Variants in HTR2C observed in about 807,000 individuals in gnomAD.
HTR2C encodes the protein 5-hydroxytryptamine (serotonin) receptor 2C, G protein-coupled.
A neutral mutation model predicts 21.0 loss-of-function variants in HTR2C; 5 were observed. That is an observed-to-expected ratio of 0.24 (90% CI 0.12 to 0.50). HTR2C has a LOEUF of 0.50. Ranked by LOEUF, HTR2C falls within the 20% of genes least tolerant of loss-of-function variation. HTR2C has a pLI of 0.98. For missense variants in HTR2C, 271 were observed against 371.2 expected (o/e 0.73, Z 2.22); for synonymous variants, 150 against 145.3 (o/e 1.03, Z -0.23).
chrX:114,800,164 C>T (rs2070332255), intron 4 of HTR2C, among the ~76,000 whole-genome samples: 1 of 110,175 alleles, frequency 9.1e-6, no homozygotes, highest in African/African-American at 3.3e-5. Context: ...GGAACCTAGC[C>T]CTTTGAGTCA....
At chrX:114,722,928 T>G (rs1261489675) in intron 2 of HTR2C, among the ~76,000 whole-genome samples, 4 of 110,662 alleles carry the variant, frequency 3.6e-5, no homozygotes, top group African/African-American at 1.3e-4. Flanking sequence ...AGTATTTTAT[T>G]GAGGATTTTT....
chrX:114,880,211 A>G (rs141221613), intron 5 of HTR2C, among the ~76,000 whole-genome samples: 1,597 of 109,840 alleles, frequency 0.015, 26 homozygotes, highest in Middle Eastern at 0.051. Flanking sequence ...ACCATTCTCC[A>G]TTTTCCCCTC....
chrX:114,721,956 C>T (rs1258134804), intron 2 of HTR2C, among the ~76,000 whole-genome samples: 1 of 106,922 alleles, frequency 9.4e-6, no homozygotes, highest in Admixed American at 1.0e-4. Flanking sequence ...TAGTGTGATG[C>T]CTCCAGCTTT....
intron 2 of HTR2C, among the ~76,000 whole-genome samples, chrX:114,628,417 T>TTC (rs1395046541): frequency 3.2e-5 from 3 of 94,213 alleles, no homozygotes; most frequent in Non-Finnish European, 6.3e-5. Context: ...TTTTTTTTTT[T>TTC]TTTTTTTTTT....
intron 4 of HTR2C, among the ~76,000 whole-genome samples, chrX:114,771,149 G>A (rs1289413534): frequency 9.0e-6 from 1 of 110,684 alleles, no homozygotes; most frequent in Non-Finnish European, 1.9e-5. Context: ...TTGAAACTCG[G>A]ACATTTTAAA....
chrX:114,604,809 C>T (rs1278514401), intron 1 of HTR2C, among the ~76,000 whole-genome samples: 2 of 111,102 alleles, frequency 1.8e-5, no homozygotes, highest in African/African-American at 3.3e-5. Context: ...CTGGCCGCTG[C>T]GGTTCAGGCG....
At chrX:114,809,811 T>C (rs1556452176) in intron 4 of HTR2C, among the ~76,000 whole-genome samples, 2 of 111,056 alleles carry the variant, frequency 1.8e-5, no homozygotes, top group Non-Finnish European at 3.8e-5. Context: ...AAATCCCCTT[T>C]ACTGTTCCCT....
rs7879472 is a variant in HTR2C at position 114,775,390 on chromosome X, C to T, written c.349+43783C>T. On this transcript the variant is annotated intron_variant, in intron 4 of 5. Coordinates refer to ENST00000276198, the MANE Select transcript of HTR2C (RefSeq NM_000868.4). ...GGTGCAGAAGGTATGCCTGTGAGTT[C>T]AAACTTGTCAAGCAGGTTGTCATCC... 1.9e-3 allele frequency: 983 copies of T among 527,603 alleles called. 4 individuals are homozygous for T. In the African/African-American group the frequency reaches 0.02, roughly 11 times the overall value. The allele number at this position is 527,603 out of a possible 1,213,427, so 43.5% of individuals were successfully genotyped here.
intron 2 of HTR2C, among the ~76,000 whole-genome samples, chrX:114,658,998 G>A (rs1311960778): frequency 9.0e-6 from 1 of 111,670 alleles, no homozygotes; most frequent in African/African-American, 3.3e-5. Flanking sequence ...AGGTTTAATT[G>A]ACTCAGTTCC....
chrX:114,886,373 T>A (rs2071220192), intron 5 of HTR2C, among the ~76,000 whole-genome samples: 1 of 111,337 alleles, frequency 9.0e-6, no homozygotes, highest in East Asian at 2.8e-4. Context: ...TTGATTTAGG[T>A]CTGCCATGTT....
rs1204897059 is a variant in HTR2C, at chrX:114,907,723, T to G, written c.*308T>G. ...TCTTCCTTCCTTTCTCTCTTTCTTT[T>G]GTGCATATGGCAACGTTCATGTTCA... On this transcript the variant is annotated 3_prime_UTR_variant, in exon 6 of 6. Transcript: ENST00000276198. The G allele has an allele frequency of 4.7e-6, 1 of 214,229 alleles. No individual in the cohort carries two copies. Among genetic ancestry groups the G allele is most frequent in the East Asian group, 8.3e-5 (1 of 12,047 alleles). The allele number at this position is 214,229 out of a possible 1,213,427, so 17.7% of individuals were successfully genotyped here.
At chrX:114,782,822 A>G (rs1468177380) in intron 4 of HTR2C, among the ~76,000 whole-genome samples, 4 of 112,057 alleles carry the variant, frequency 3.6e-5, no homozygotes, top group African/African-American at 1.3e-4. Flanking sequence ...AATGTTCTAA[A>G]TTCATTGTAT....
Position 114,774,346 on chromosome X carries a change from A to G in HTR2C, c.349+42739A>G, listed in dbSNP as rs145085182. On this transcript the variant is annotated intron_variant, in intron 4 of 5. Transcript: ENST00000276198. ...TCACAATGGTGCAATTTAAATTACT[A>G]TAATAAAGTAAATGGGATATTTTCC... 4.1e-3 allele frequency among the ~76,000 whole-genome samples: 458 copies of G among 111,768 alleles called. 2 individuals carry two copies. Among genetic ancestry groups the G allele is most frequent in the Non-Finnish European group, 6.1e-3 (324 of 53,147 alleles).
chrX:114,734,987 T>C (rs1346197650), intron 4 of HTR2C, among the ~76,000 whole-genome samples: 1 of 111,696 alleles, frequency 9.0e-6, no homozygotes, highest in Non-Finnish European at 1.9e-5. Flanking sequence ...CAGGGAATTA[T>C]GTACCACAAG....
chrX:114,820,317 G>C (rs2070620604), intron 4 of HTR2C, among the ~76,000 whole-genome samples: 1 of 109,579 alleles, frequency 9.1e-6, no homozygotes. Context: ...ATGAAGAAGG[G>C]GGTAGGAGTT....
At chrX:114,663,864 G>C (rs1463365817) in intron 2 of HTR2C, among the ~76,000 whole-genome samples, 4 of 111,499 alleles carry the variant, frequency 3.6e-5, no homozygotes, top group Non-Finnish European at 7.5e-5. Flanking sequence ...AGGCAATCTC[G>C]TAATGTGTTA....
In HTR2C at chrX:114,907,425, GCA is replaced by G. The variant is rs782397440; in HGVS notation, c.*13_*14del. On this transcript the variant is annotated 3_prime_UTR_variant, in exon 6 of 6. Coordinates refer to ENST00000276198, the MANE Select transcript of HTR2C (RefSeq NM_000868.4). ...GATTAGCAGTGTGTGAGAAAGAACAGCACAGTCTTTTCCTACGGTACAAGCTA... is the reference window on the plus strand; with the variant it reads ...GATTAGCAGTGTGTGAGAAAGAACAGCAGTCTTTTCCTACGGTACAAGCTA... The G allele has an allele frequency of 1.2e-4, 143 of 1,146,338 alleles. No individual in the cohort carries two copies. The African/African-American group carries it at 2.4e-3, about 19-fold the overall frequency. 94.5% of individuals were successfully genotyped at this position (1,146,338 alleles called of 1,213,427 possible). A position where few individuals can be genotyped will look rare whatever the true frequency, so the allele number is the denominator to read the frequency against.
At chrX:114,701,890 G>A (rs1932522666) in intron 2 of HTR2C, among the ~76,000 whole-genome samples, 1 of 112,095 alleles carries the variant, frequency 8.9e-6, no homozygotes, top group African/African-American at 3.2e-5. Context: ...TGAAAGCCAA[G>A]GCTCAAGAAC....
intron 5 of HTR2C, among the ~76,000 whole-genome samples, chrX:114,862,709 C>T (rs1362345190): frequency 9.0e-6 from 1 of 110,731 alleles, no homozygotes; most frequent in East Asian, 2.8e-4. Flanking sequence ...GTGTAATGAG[C>T]AAATCAGGGT....
Sources: gnomAD v4.1 joint callset for allele counts (sites outside exome capture counted in the v4.1 genomes callset) on GRCh38, gnomAD v4.1.1 for gene constraint, MANE v1.5 for transcripts, NCBI Gene and HGNC (gene_info 2026-07-23, HGNC 2026-07-21) for gene names.